Variants in AK9 observed in about 807,000 individuals in gnomAD.
The protein encoded by AK9 is adenylate kinase domain containing 1.
AK9 carries 191 observed loss-of-function variants against 239.6 expected under a neutral mutation model. The observed-to-expected ratio is 0.80, with a 90% confidence interval of 0.71 to 0.90. The LOEUF is 0.90. Ranked by LOEUF, AK9 falls within the 40% of genes least tolerant of loss-of-function variation. AK9 has a pLI of 0.00. For synonymous variants in AK9, 689 were observed against 721.0 expected, an observed-to-expected ratio of 0.96 and a Z score of 0.71; for missense variants, 1,995 against 2,214.7, an observed-to-expected ratio of 0.90 and a Z score of 1.99.
intron 29 of AK9, among the ~76,000 whole-genome samples, chr6:109,526,474 A>T (rs1184319643): frequency 6.6e-6 from 1 of 152,078 alleles, no homozygotes; most frequent in Non-Finnish European, 1.5e-5. Context: ...TCTCAGAGAG[A>T]CAGGACTAGA....
At chr6:109,644,153 T>C (rs1283873334) in intron 9 of AK9, among the ~76,000 whole-genome samples, 1 of 152,244 alleles carries the variant, frequency 6.6e-6, no homozygotes, top group South Asian at 2.1e-4. Flanking sequence ...ATTTAAGAGA[T>C]AGTTACTATA....
chr6:109,614,145 A>G, intron 15 of AK9, 38 bp downstream of exon 15: 3 of 1,478,858 alleles, frequency 2.0e-6, no homozygotes, highest in Non-Finnish European at 2.8e-6. Flanking sequence ...AATGAAAATG[A>G]GATCCACAAA....
At chr6:109,650,736 T>C (rs1339683759) in intron 8 of AK9, among the ~76,000 whole-genome samples, 2 of 152,204 alleles carry the variant, frequency 1.3e-5, no homozygotes, top group Non-Finnish European at 2.9e-5. Flanking sequence ...ACTGGGTATA[T>C]ACCGAAAGGA....
At chr6:109,666,084 A>T (rs1187331302) in intron 5 of AK9, among the ~76,000 whole-genome samples, 1 of 152,214 alleles carries the variant, frequency 6.6e-6, no homozygotes, top group Non-Finnish European at 1.5e-5. Flanking sequence ...CTCTCTTGAA[A>T]GGCCATTGTT....
intron 13 of AK9, among the ~76,000 whole-genome samples, chr6:109,616,334 G>A (rs1438774138): frequency 6.6e-6 from 1 of 151,996 alleles, no homozygotes; most frequent in Non-Finnish European, 1.5e-5. Flanking sequence ...ATAGGTCAAA[G>A]GATTAAAAAC....
chr6:109,575,718 C>G (rs1562434956), intron 20 of AK9, among the ~76,000 whole-genome samples: 1 of 151,674 alleles, frequency 6.6e-6, no homozygotes, highest in Non-Finnish European at 1.5e-5. Context: ...TTTTTGGGTT[C>G]TTGGGCATGA....
intron 17 of AK9, among the ~76,000 whole-genome samples, chr6:109,603,981 T>C (rs1792479474): frequency 6.6e-6 from 1 of 152,212 alleles, no homozygotes; most frequent in African/African-American, 2.4e-5. Context: ...ACAGCTTTGC[T>C]TGGCTAGGAA....
rs1042843335 is a variant in AK9 at position 109,560,280 on chromosome 6, T to C, written c.2751+3317A>G. Among the ~76,000 whole-genome samples, 6 of 152,216 alleles carry C rather than the reference T, an allele frequency of 3.9e-5. 1 individual carries two copies. Among genetic ancestry groups the C allele is most frequent in the Non-Finnish European group, 7.3e-5 (5 of 68,036 alleles). Reference sequence around the variant, plus strand: ...GAATGCCTTTTATTTCTTTTCCTTGTCTGAATGCAGTAACCAAACCTTCAG... The same window carrying C: ...GAATGCCTTTTATTTCTTTTCCTTGCCTGAATGCAGTAACCAAACCTTCAG... On this transcript the variant is annotated intron_variant, in intron 24 of 40. Transcript: ENST00000424296.
chr6:109,556,979 C>T (rs1292203075), intron 24 of AK9, among the ~76,000 whole-genome samples: 3 of 151,958 alleles, frequency 2.0e-5, no homozygotes, highest in Admixed American at 1.3e-4. Flanking sequence ...TGAATCCTAC[C>T]TCTGTCAGTT....
At chr6:109,549,298 T>C (rs1015666174) in intron 25 of AK9, among the ~76,000 whole-genome samples, 2 of 152,212 alleles carry the variant, frequency 1.3e-5, no homozygotes, top group Admixed American at 6.5e-5. Context: ...CTTACCCCTA[T>C]AACAATTCTC....
At chr6:109,666,351 A>G (rs950419410) in intron 5 of AK9, among the ~76,000 whole-genome samples, 1 of 152,138 alleles carries the variant, frequency 6.6e-6, no homozygotes, top group African/African-American at 2.4e-5. Context: ...AACCTTTCCA[A>G]TTCCAGAGAC....
At position 109,563,595 on chromosome 6, in the gene AK9, G is replaced by GCCTCTT. The variant is rs538809060; in HGVS notation, c.2747_2751+1dup. ...GAATGAGTAGAAATAAAAGAATCAT[G>GCCTCTT]CCTCTTCCTCTTCCTCTTCCTCTAG... is the stretch of plus-strand genomic sequence containing the variant. On this transcript the variant is annotated splice_donor_variant, in intron 24 of 40. Coordinates refer to ENST00000424296, the MANE Select transcript of AK9 (RefSeq NM_001145128.3). LOFTEE classifies it high-confidence loss of function. 2.7e-4 allele frequency: 426 copies of GCCTCTT among 1,549,934 alleles called. 3 individuals carry two copies. In the South Asian group the frequency reaches 3.1e-3, roughly 11 times the overall value.
intron 28 of AK9, among the ~76,000 whole-genome samples, chr6:109,532,028 A>G (rs1781344527): frequency 6.6e-6 from 1 of 152,198 alleles, no homozygotes; most frequent in Non-Finnish European, 1.5e-5. Context: ...ACGATGTCTG[A>G]GCAATGAAAG....
At chr6:109,680,853 A>C (rs1440424892) in intron 1 of AK9, among the ~76,000 whole-genome samples, 2 of 152,228 alleles carry the variant, frequency 1.3e-5, no homozygotes, top group South Asian at 2.1e-4. Flanking sequence ...CAGCCAAACT[A>C]AGCTTCATAA....
Position 109,493,171 on chromosome 6 carries a change from T to C in AK9, c.*198A>G. ...CAAAGAGCAATACATTTTAAAATTG[T>C]ATTAAAACTTGTTTCCATAAGAGTG... On this transcript the variant is annotated 3_prime_UTR_variant, in exon 41 of 41. Coordinates refer to ENST00000424296, the MANE Select transcript of AK9 (RefSeq NM_001145128.3). The C allele has an allele frequency of 2.0e-6, 1 of 502,424 alleles. No individual in the cohort carries two copies. The highest frequency in any genetic ancestry group is 3.5e-6 in the Non-Finnish European group (1 of 285,868). The allele number at this position is 502,424 out of a possible 1,614,324, so 31.1% of individuals were successfully genotyped here. A position where few individuals can be genotyped will look rare whatever the true frequency, so the allele number is the denominator to read the frequency against.
At chr6:109,594,753 A>G (rs990403716) in intron 17 of AK9, among the ~76,000 whole-genome samples, 73 of 152,324 alleles carry the variant, frequency 4.8e-4, no homozygotes, top group African/African-American at 1.8e-3. Context: ...AAAACAAGCA[A>G]TGGGGAAAGG....
intron 20 of AK9, among the ~76,000 whole-genome samples, chr6:109,574,892 T>G (rs9384716): frequency 0.59 from 89,626 of 151,840 alleles, 27,924 homozygotes; most frequent in South Asian, 0.84. Flanking sequence ...CCGAAGTCTA[T>G]TATATCATTC....
chr6:109,685,993 G>C (rs1029209126), intron 1 of AK9, among the ~76,000 whole-genome samples: 1 of 152,198 alleles, frequency 6.6e-6, no homozygotes, highest in East Asian at 1.9e-4. Flanking sequence ...ATCTTTACTA[G>C]ATAGACACAG....
chr6:109,496,790 A>G (rs1422125341), intron 38 of AK9, among the ~76,000 whole-genome samples: 1 of 152,128 alleles, frequency 6.6e-6, no homozygotes, highest in African/African-American at 2.4e-5. Flanking sequence ...CAGCCTCATC[A>G]CTGGTAGTCC....
Sources: allele counts gnomAD v4.1 joint callset (sites outside exome capture counted in the v4.1 genomes callset), GRCh38; gene constraint gnomAD v4.1.1; transcripts MANE v1.5; gene names NCBI Gene and HGNC (gene_info 2026-07-23, HGNC 2026-07-21).